ATP11A: variants seen among roughly 807,000 people sequenced by gnomAD.
ATP11A encodes phospholipid-transporting ATPase IH.
ATP11A carries 81 observed loss-of-function variants against 154.4 expected under a neutral mutation model. That is an observed-to-expected ratio of 0.52 (90% CI 0.44 to 0.63). The LOEUF is 0.63. Ranked by LOEUF, ATP11A falls within the 30% of genes least tolerant of loss-of-function variation. The pLI, the probability that ATP11A is intolerant of heterozygous loss-of-function variation, is 0.00. For synonymous variants in ATP11A, 623 were observed against 585.9 expected (o/e 1.06, Z -0.91); for missense variants, 1,316 against 1,474.3 (o/e 0.89, Z 1.76).
chr13:112,842,679 T>C (rs946582426), intron 17 of ATP11A, among the ~76,000 whole-genome samples: 1 of 152,184 alleles, frequency 6.6e-6, no homozygotes, highest in Non-Finnish European at 1.5e-5. Context: ...TTTTGGGGAG[T>C]CAGAATTAGC....
At chr13:112,787,183 G>T in intron 2 of ATP11A, among the ~76,000 whole-genome samples, 1 of 143,906 alleles carries the variant, frequency 6.9e-6, no homozygotes, top group Non-Finnish European at 1.5e-5. Flanking sequence ...GACCCCTGTG[G>T]AGACCTACTT....
intron 1 of ATP11A, among the ~76,000 whole-genome samples, chr13:112,760,991 A>G (rs189082728): frequency 2.0e-5 from 3 of 152,306 alleles, no homozygotes; most frequent in Admixed American, 2.0e-4. Context: ...TCCAGAAATA[A>G]ACAATTCCCA....
At chr13:112,747,657 GA>G (rs1247368427) in intron 1 of ATP11A, among the ~76,000 whole-genome samples, 4 of 152,164 alleles carry the variant, frequency 2.6e-5, no homozygotes, top group Non-Finnish European at 5.9e-5. Context: ...CCAACATGGG[GA>G]AACCCCATCT....
At chr13:112,706,054 A>G (rs1047222530) in intron 1 of ATP11A, among the ~76,000 whole-genome samples, 15 of 152,134 alleles carry the variant, frequency 9.9e-5, no homozygotes, top group African/African-American at 2.2e-4. Flanking sequence ...TTCTGCATCT[A>G]CTATTGTGTA....
At chr13:112,879,656 C>T (rs1339583443) in intron 29 of ATP11A, among the ~76,000 whole-genome samples, 1 of 152,228 alleles carries the variant, frequency 6.6e-6, no homozygotes, top group African/African-American at 2.4e-5. Flanking sequence ...CAGACAGGGC[C>T]GGCGTCCACA....
At chr13:112,822,656 G>GCTCAAGT (rs2078828611) in intron 8 of ATP11A, among the ~76,000 whole-genome samples, 1 of 150,826 alleles carries the variant, frequency 6.6e-6, no homozygotes, top group African/African-American at 2.4e-5. Flanking sequence ...GGAGGCCAAA[G>GCTCAAGT]CTCAAGTTCA....
At chr13:112,729,369 C>T (rs546476709) in intron 1 of ATP11A, among the ~76,000 whole-genome samples, 1 of 152,382 alleles carries the variant, frequency 6.6e-6, no homozygotes, top group Admixed American at 6.5e-5. Flanking sequence ...ACAGTCCCCT[C>T]GCCTTAGCAT....
intron 1 of ATP11A, among the ~76,000 whole-genome samples, chr13:112,762,785 C>T (rs1306528811): frequency 6.6e-6 from 1 of 152,218 alleles, no homozygotes; most frequent in Non-Finnish European, 1.5e-5. Context: ...AAAAGTGTCT[C>T]TTTACAAATG....
chr13:112,858,314 C>T, intron 22 of ATP11A, 24 bp downstream of exon 22: 2 of 1,597,930 alleles, frequency 1.3e-6, no homozygotes, highest in Non-Finnish European at 1.7e-6. Flanking sequence ...CGCTCCCCCT[C>T]ACGGTGTTAG....
rs2080935703 is a variant in ATP11A, at chr13:112,883,923, T to C, written c.*2057T>C. 1 of 152,782 alleles carries C rather than the reference T, an allele frequency of 6.5e-6. No homozygotes were observed. Among genetic ancestry groups the C allele is most frequent in the East Asian group, 1.9e-4 (1 of 5,192 alleles). 9.5% of individuals were successfully genotyped at this position (152,782 alleles called of 1,614,324 possible). A position where few individuals can be genotyped will look rare whatever the true frequency, so the allele number is the denominator to read the frequency against. On this transcript the variant is annotated 3_prime_UTR_variant, in exon 30 of 30. Coordinates refer to ENST00000375645, the MANE Select transcript of ATP11A (RefSeq NM_015205.3). ...TTCAGTTAACAAATTATTTGTAATGTATTTTTTTAGAAATCTTAAAATTGC... is the reference window on the plus strand; with the variant it reads ...TTCAGTTAACAAATTATTTGTAATGCATTTTTTTAGAAATCTTAAAATTGC...
intron 1 of ATP11A, among the ~76,000 whole-genome samples, chr13:112,705,018 T>C (rs1310124540): frequency 1.3e-5 from 2 of 152,198 alleles, no homozygotes; most frequent in Non-Finnish European, 2.9e-5. Context: ...AAACGTGGAA[T>C]AACGGGCATC....
chr13:112,779,535 C>T (rs1004824361), intron 1 of ATP11A, among the ~76,000 whole-genome samples: 12 of 152,196 alleles, frequency 7.9e-5, no homozygotes, highest in African/African-American at 2.7e-4. Flanking sequence ...TTCACTTCCT[C>T]GGAGATTTTC....
At chr13:112,763,364 G>A (rs1288824726) in intron 1 of ATP11A, among the ~76,000 whole-genome samples, 1 of 152,090 alleles carries the variant, frequency 6.6e-6, no homozygotes, top group African/African-American at 2.4e-5. Flanking sequence ...TTAAAACAGA[G>A]ACCTGAGACT....
intron 1 of ATP11A, among the ~76,000 whole-genome samples, chr13:112,727,884 A>G (rs947320202): frequency 2.6e-5 from 4 of 152,232 alleles, no homozygotes; most frequent in Admixed American, 2.0e-4. Flanking sequence ...GCTGAGCCCC[A>G]TTTCTCACAT....
Position 112,819,732 on chromosome 13 carries a change from C to T in ATP11A, c.675-168C>T, listed in dbSNP as rs113081099. On this transcript the variant is annotated intron_variant, in intron 7 of 29. Coordinates refer to ENST00000375645, the MANE Select transcript of ATP11A (RefSeq NM_015205.3). Reference sequence around the variant, plus strand: ...AAAATCACCGAAGCCATGAGCTGATCAGAACAGAAAGTACGACAAGGGAAG... The same window carrying T: ...AAAATCACCGAAGCCATGAGCTGATTAGAACAGAAAGTACGACAAGGGAAG... Among the ~76,000 whole-genome samples, 57 of 152,322 alleles carry T rather than the reference C, an allele frequency of 3.7e-4. 1 individual carries two copies. The highest frequency in any genetic ancestry group is 1.4e-3 in the African/African-American group (57 of 41,582).
intron 25 of ATP11A, among the ~76,000 whole-genome samples, chr13:112,869,491 G>C (rs1451214344): frequency 6.6e-6 from 1 of 152,232 alleles, no homozygotes; most frequent in East Asian, 1.9e-4. Flanking sequence ...GTTGACTGCA[G>C]TTATCACCTG....
At chr13:112,759,308 G>T (rs2076913166) in intron 1 of ATP11A, among the ~76,000 whole-genome samples, 2 of 152,288 alleles carry the variant, frequency 1.3e-5, no homozygotes, top group East Asian at 3.9e-4. Flanking sequence ...GTCTTGCTCT[G>T]AAGCAGAGGC....
intron 1 of ATP11A, among the ~76,000 whole-genome samples, chr13:112,781,535 A>G (rs2077499012): frequency 6.6e-6 from 1 of 152,096 alleles, no homozygotes; most frequent in Non-Finnish European, 1.5e-5. Context: ...GCTGCTGACA[A>G]CATTTGACGG....
intron 1 of ATP11A, among the ~76,000 whole-genome samples, chr13:112,693,062 G>C (rs1885379789): frequency 6.6e-6 from 1 of 152,204 alleles, no homozygotes; most frequent in Non-Finnish European, 1.5e-5. Context: ...AGATAAAGAA[G>C]TCCTTGGAAA....
Sources: allele counts gnomAD v4.1 joint callset (sites outside exome capture counted in the v4.1 genomes callset), GRCh38; gene constraint gnomAD v4.1.1; transcripts MANE v1.5; gene names NCBI Gene and HGNC (gene_info 2026-07-23, HGNC 2026-07-21).